Variants in SYTL5 observed in about 807,000 individuals in gnomAD.
SYTL5 encodes synaptotagmin-like protein 5.
SYTL5 carries 34 observed loss-of-function variants against 55.9 expected under a neutral mutation model. The observed-to-expected ratio is 0.61, with a 90% CI of 0.46 to 0.81. The LOEUF (loss-of-function observed/expected upper bound fraction) is 0.81. SYTL5 is among the 30% of genes least tolerant of loss of function. SYTL5 has a pLI of 0.00. For missense variants in SYTL5, 637 were observed against 546.7 expected, an observed-to-expected ratio of 1.17 and a Z score of -1.65; for synonymous variants, 221 against 188.7, an observed-to-expected ratio of 1.17 and a Z score of -1.40.
chrX:37,978,431 T>C, the SYTL5 span, among the ~76,000 whole-genome samples: 11 of 112,018 alleles, frequency 9.8e-5, no homozygotes, highest in Admixed American at 1.9e-4. Flanking sequence ...ACCTTGTCTT[T>C]TGAGAAATGA....
chrX:38,070,047 T>G (rs995550252), intron 3 of SYTL5, among the ~76,000 whole-genome samples: 1 of 111,864 alleles, frequency 8.9e-6, no homozygotes, highest in African/African-American at 3.2e-5. Context: ...AAATCTATGG[T>G]AGACAAACTA....
the SYTL5 span, among the ~76,000 whole-genome samples, chrX:37,930,135 G>A: frequency 5.4e-5 from 6 of 111,833 alleles, no homozygotes; most frequent in Non-Finnish European, 7.5e-5. Context: ...AACCTGACCC[G>A]TCCGCTGAGA....
the SYTL5 span, among the ~76,000 whole-genome samples, chrX:37,999,355 G>A: frequency 8.9e-6 from 1 of 112,674 alleles, no homozygotes. Context: ...TTTTCTTAAT[G>A]TGTGTCTTCC....
At chrX:37,934,209 A>C in the SYTL5 span, among the ~76,000 whole-genome samples, 96 of 110,499 alleles carry the variant, frequency 8.7e-4, no homozygotes, top group East Asian at 0.027. Flanking sequence ...AAAATGAGTC[A>C]ATAGAAACTA....
chrX:37,996,289 C>T, the SYTL5 span, among the ~76,000 whole-genome samples: 2 of 112,111 alleles, frequency 1.8e-5, no homozygotes, highest in African/African-American at 6.5e-5. Flanking sequence ...AGGAATTCTA[C>T]ACTCAGGGGA....
Position 38,115,211 on chromosome X carries a change from G to A in SYTL5, c.1596+4729G>A, listed in dbSNP as rs779865665. On this transcript the variant is annotated intron_variant, in intron 13 of 16. Coordinates refer to ENST00000297875, the MANE Select transcript of SYTL5 (RefSeq NM_138780.3). ...TTAAGATACTTATTTCAGGCCGGGC[G>A]CGGTGGCTCACGCCTGTAATCCCAG... Among the ~76,000 whole-genome samples the A allele has an allele frequency of 2.5e-4, 27 of 109,693 alleles. 1 individual carries two copies. Among genetic ancestry groups the A allele is most frequent in the South Asian group, 2.3e-3 (6 of 2,609 alleles).
chrX:37,941,222 T>A, the SYTL5 span, among the ~76,000 whole-genome samples: 3 of 111,951 alleles, frequency 2.7e-5, no homozygotes, highest in African/African-American at 9.7e-5. Context: ...CTTACTGGAT[T>A]CATTGCACAG....
intron 6 of SYTL5, 25 bp from the exon 7 acceptor site, chrX:38,089,421 A>G (rs1254286108): frequency 8.4e-7 from 1 of 1,191,408 alleles, no homozygotes; most frequent in African/African-American, 1.8e-5. Context: ...TCCATGTTAA[A>G]GTCAGAATAT....
intron 1 of SYTL5, among the ~76,000 whole-genome samples, chrX:38,014,051 A>T (rs967577980): frequency 9.0e-6 from 1 of 111,696 alleles, no homozygotes; most frequent in Non-Finnish European, 1.9e-5. Context: ...AGTCAGGGCA[A>T]TCTGCTCTGA....
chrX:37,902,600 G>A, the SYTL5 span, among the ~76,000 whole-genome samples: 1 of 111,755 alleles, frequency 8.9e-6, no homozygotes, highest in Admixed American at 9.5e-5. Context: ...TAATTGACAT[G>A]CTACTTTTGT....
chrX:37,927,899 T>G, the SYTL5 span, among the ~76,000 whole-genome samples: 1 of 112,108 alleles, frequency 8.9e-6, no homozygotes, highest in African/African-American at 3.2e-5. Flanking sequence ...TAACTTTTCT[T>G]GGAAGTGAAA....
Position 38,040,462 on chromosome X carries a change from C to T in SYTL5, c.119+6454C>T, listed in dbSNP as rs959833724. ...TTTTAACTCATTAACCATCCCCCCC[C>T]CGACCCGAGCCCCACACTACCCTTT... On this transcript the variant is annotated intron_variant, in intron 2 of 16. Coordinates refer to ENST00000297875, the MANE Select transcript of SYTL5 (RefSeq NM_138780.3). Among the ~76,000 whole-genome samples, 3 of 107,863 alleles carry T rather than the reference C, an allele frequency of 2.8e-5. No homozygotes were observed. In the Admixed American group the frequency reaches 3.0e-4, roughly 11 times the overall value. 93.7% of individuals were successfully genotyped at this position (107,863 alleles called of 115,157 possible). A position where few individuals can be genotyped will look rare whatever the true frequency, so the allele number is the denominator to read the frequency against.
At chrX:37,994,864 G>C in the SYTL5 span, 3 of 111,017 alleles carry the variant, frequency 2.7e-5, no homozygotes, top group South Asian at 1.2e-3. Context: ...AAGACCCCAG[G>C]TTGCTTCCAT....
chrX:37,918,384 C>G, the SYTL5 span, among the ~76,000 whole-genome samples: 1 of 111,800 alleles, frequency 8.9e-6, no homozygotes, highest in East Asian at 2.8e-4. Context: ...GAAAGTTACC[C>G]AAGCTGAAGC....
chrX:37,963,479 G>A, the SYTL5 span, among the ~76,000 whole-genome samples: 1 of 110,648 alleles, frequency 9.0e-6, no homozygotes, highest in Non-Finnish European at 1.9e-5. Flanking sequence ...TAGTAGAGAC[G>A]GGGTTTCACC....
At chrX:37,910,904 A>C in the SYTL5 span, among the ~76,000 whole-genome samples, 3 of 109,380 alleles carry the variant, frequency 2.7e-5, no homozygotes, top group Non-Finnish European at 5.7e-5. Flanking sequence ...GTATTGGATG[A>C]GTCAGGGTCA....
In SYTL5 at chrX:38,120,383, T is replaced by C. The variant is rs1357941319; in HGVS notation, c.1622T>C (p.Leu541Pro). 2 of 1,210,860 alleles carry C rather than the reference T, an allele frequency of 1.7e-6. No individual in the cohort carries two copies. Among genetic ancestry groups the C allele is most frequent in the East Asian group, 3.0e-5 (1 of 33,823 alleles). The change falls in exon 14 of 17, where the codon CTT (leucine) becomes CCT (proline). Residue 541 changes from leucine to proline, a missense_variant. Coordinates refer to ENST00000297875, the MANE Select transcript of SYTL5 (RefSeq NM_138780.3). ...GTGGAGTTTGCTCCTGATATTGGCC[T>C]TCAATACAAAGGAGAGCTGACAGTT... ...PKVEFAPDIG[L>P]QYKGELTVVL...
At chrX:37,929,554 T>C in the SYTL5 span, among the ~76,000 whole-genome samples, 2 of 112,014 alleles carry the variant, frequency 1.8e-5, no homozygotes, top group Admixed American at 1.9e-4. Flanking sequence ...ATTGTTGAGA[T>C]AAGTAGAAGT....
At chrX:38,113,335 A>T (rs1003602241) in intron 13 of SYTL5, among the ~76,000 whole-genome samples, 1 of 112,429 alleles carries the variant, frequency 8.9e-6, no homozygotes, top group Non-Finnish European at 1.9e-5. Context: ...TGGTTTTCCA[A>T]GGAAACGTTC....
Sources: gnomAD v4.1 joint callset for allele counts (sites outside exome capture counted in the v4.1 genomes callset) on GRCh38, gnomAD v4.1.1 for gene constraint, MANE v1.5 for transcripts, NCBI Gene and HGNC (gene_info 2026-07-23, HGNC 2026-07-21) for gene names.